The following DPP8 variants were observed in gnomAD, a reference collection of about 807,000 sequenced individuals.
The protein encoded by DPP8 is DPP VIII.
A neutral mutation model predicts 107.5 loss-of-function variants in DPP8; 31 were observed. That is an observed-to-expected ratio of 0.29 (90% CI 0.22 to 0.39). The LOEUF (loss-of-function observed/expected upper bound fraction) is 0.39, where lower values mean the gene tolerates loss of function less well. Ranked by LOEUF, DPP8 falls within the 10% of genes least tolerant of loss-of-function variation. DPP8 has a pLI of 1.00. For missense variants in DPP8, 842 were observed against 1,076.1 expected, an observed-to-expected ratio of 0.78 and a Z score of 3.04; for synonymous variants, 381 against 356.6, an observed-to-expected ratio of 1.07 and a Z score of -0.77.
At chr15:65,489,781 G>C (rs2067833424) in intron 6 of DPP8, among the ~76,000 whole-genome samples, 1 of 151,880 alleles carries the variant, frequency 6.6e-6, no homozygotes, top group African/African-American at 2.4e-5. Context: ...GCAATAGTGT[G>C]ATCTTGGCTC....
Position 65,472,780 on chromosome 15 carries a change from C to A in DPP8, c.1536+1429G>T, listed in dbSNP as rs73480749. ...CTTGGCCAGGCGTGGTGGTTCACACCTGTAACCTCAGCACTTCAGGAGGCC... is the reference window on the plus strand; with the variant it reads ...CTTGGCCAGGCGTGGTGGTTCACACATGTAACCTCAGCACTTCAGGAGGCC... On this transcript the variant is annotated intron_variant, in intron 12 of 19. Coordinates refer to ENST00000300141, the MANE Select transcript of DPP8 (RefSeq NM_130434.5). Among the ~76,000 whole-genome samples the A allele has an allele frequency of 7.8e-3, 1,183 of 152,264 alleles. 22 individuals are homozygous for A. Among genetic ancestry groups the A allele is most frequent in the African/African-American group, 0.028 (1,143 of 41,556 alleles).
intron 9 of DPP8, 21 bp downstream of exon 9, chr15:65,481,494 G>A (rs1433388424): frequency 1.4e-6 from 2 of 1,446,270 alleles, no homozygotes; most frequent in Non-Finnish European, 9.5e-7. Context: ...TTATAAAGAA[G>A]TAACAATTTA....
At chr15:65,513,285 C>T (rs1219346693) in intron 1 of DPP8, among the ~76,000 whole-genome samples, 2 of 151,716 alleles carry the variant, frequency 1.3e-5, no homozygotes, top group Non-Finnish European at 2.9e-5. Flanking sequence ...AAAATCTTGG[C>T]TCTTTGCAAG....
At chr15:65,485,076 T>G (rs1356609016) in intron 8 of DPP8, 23 bp downstream of exon 8, 1 of 1,580,100 alleles carries the variant, frequency 6.3e-7, no homozygotes, top group Non-Finnish European at 8.7e-7. Context: ...ACGCAGAAGG[T>G]CAACTCAGCA....
At chr15:65,478,554 C>A (rs2066615809) in intron 11 of DPP8, among the ~76,000 whole-genome samples, 1 of 152,032 alleles carries the variant, frequency 6.6e-6, no homozygotes. Flanking sequence ...GCCACTGCAC[C>A]CAGCCAAAAA....
intron 16 of DPP8, 86 bp from the exon 17 acceptor site, chr15:65,454,501 A>G: frequency 8.4e-7 from 1 of 1,195,594 alleles, no homozygotes; most frequent in South Asian, 1.5e-5. Flanking sequence ...TGTTTTTACT[A>G]AAAATACCTG....
chr15:65,459,327 C>T (rs901783027), intron 15 of DPP8, among the ~76,000 whole-genome samples: 1 of 151,984 alleles, frequency 6.6e-6, no homozygotes, highest in African/African-American at 2.4e-5. Context: ...GAGGTGTTTG[C>T]CACCATGCCC....
At chr15:65,480,510 G>GAACTGCTTTAGTGTA in intron 9 of DPP8, 111 bp from the exon 10 acceptor site, 1 of 657,462 alleles carries the variant, frequency 1.5e-6, no homozygotes, top group Non-Finnish European at 2.5e-6. Context: ...CACCATGAAA[G>GAACTGCTTTAGTGTA]AACTGCTTTA....
At chr15:65,448,148 G>A (rs2063608695) in intron 19 of DPP8, among the ~76,000 whole-genome samples, 1 of 152,096 alleles carries the variant, frequency 6.6e-6, no homozygotes, top group African/African-American at 2.4e-5. Flanking sequence ...TACTTGGGAG[G>A]CTGAGGTGGG....
rs756130423 is a variant in DPP8 at position 65,481,634 on chromosome 15, A to G, written c.1018-19T>C. 2 of 1,286,804 alleles carry G rather than the reference A, an allele frequency of 1.6e-6. No homozygotes were observed. Among genetic ancestry groups the G allele is most frequent in the Admixed American group, 5.2e-5 (2 of 38,624 alleles). 79.7% of individuals were successfully genotyped at this position (1,286,804 alleles called of 1,614,324 possible). On this transcript the variant is annotated intron_variant, in intron 8 of 19. Transcript: ENST00000300141. ...CTATGATCTATTAAAAAAGAAAAAA[A>G]AAGAATCTAGTTATAGAAGATTTAG...
At chr15:65,447,099 AAT>A (rs2140290585) in intron 19 of DPP8, 93 bp from the exon 20 acceptor site, 1 of 959,214 alleles carries the variant, frequency 1.0e-6, no homozygotes, top group Admixed American at 2.6e-5. Flanking sequence ...TAACAGGATT[AAT>A]AATACGAAGC....
intron 10 of DPP8, among the ~76,000 whole-genome samples, chr15:65,479,812 CCA>C: frequency 7.1e-6 from 1 of 140,258 alleles, no homozygotes. Flanking sequence ...CCACTGCAGT[CCA>C]CAGTCTGGCC....
intron 1 of DPP8, chr15:65,516,599 T>C (rs998344381): frequency 1.3e-5 from 2 of 152,196 alleles, no homozygotes; most frequent in African/African-American, 2.4e-5. Context: ...TGGACTAAGA[T>C]GTCAAGACAC....
chr15:65,489,858 C>T (rs2067842895), intron 6 of DPP8, among the ~76,000 whole-genome samples: 2 of 152,288 alleles, frequency 1.3e-5, no homozygotes, highest in African/African-American at 4.8e-5. Context: ...GCTGGGATTA[C>T]AGGCGCGTGC....
At position 65,454,890 on chromosome 15, in the gene DPP8, T is replaced by G. The variant is rs2064280989; in HGVS notation, c.2119-475A>C. ...TTCTGTTGCCCCCTCTCCCTCAAAT[T>G]TTTTAAAAATCTATTTGGAGATAGG... On this transcript the variant is annotated intron_variant, in intron 16 of 19. Transcript: ENST00000300141. 2.0e-5 allele frequency among the ~76,000 whole-genome samples: 3 copies of G among 152,232 alleles called. No homozygotes were observed. In the East Asian group the frequency reaches 5.8e-4, roughly 29 times the overall value.
intron 15 of DPP8, chr15:65,459,056 G>A (rs564630359): frequency 1.4e-4 from 19 of 132,016 alleles, no homozygotes; most frequent in Non-Finnish European, 2.7e-4. Context: ...AAAAAAAGGC[G>A]GGGGGGGTCT....
intron 1 of DPP8, among the ~76,000 whole-genome samples, chr15:65,514,021 A>C (rs982014803): frequency 6.6e-6 from 1 of 152,222 alleles, no homozygotes; most frequent in East Asian, 1.9e-4. Context: ...AAGGCTGTAC[A>C]TTTAATATAT....
chr15:65,486,844 G>A (rs931568006), intron 7 of DPP8, among the ~76,000 whole-genome samples: 1 of 152,114 alleles, frequency 6.6e-6, no homozygotes, highest in African/African-American at 2.4e-5. Flanking sequence ...AGGGTGGTGG[G>A]TGTGAGGAAT....
Position 65,475,607 on chromosome 15 carries a change from G to A in DPP8, c.1457-1319C>T, listed in dbSNP as rs540487038. The A allele has an allele frequency of 1.5e-4, 154 of 1,026,462 alleles. No homozygotes were observed. In the African/African-American group the frequency reaches 1.5e-3, roughly 10 times the overall value. The allele number at this position is 1,026,462 out of a possible 1,614,324, so 63.6% of individuals were successfully genotyped here. On this transcript the variant is annotated intron_variant, in intron 11 of 19. Transcript: ENST00000300141. Reference sequence around the variant, plus strand: ...TGGCACTTCTGAGGTAGCCATATCAGCTATTTCAACAAGGCATTTCTTCTA... The same window carrying A: ...TGGCACTTCTGAGGTAGCCATATCAACTATTTCAACAAGGCATTTCTTCTA...
Sources: gnomAD v4.1 joint callset for allele counts (sites outside exome capture counted in the v4.1 genomes callset) on GRCh38, gnomAD v4.1.1 for gene constraint, MANE v1.5 for transcripts, NCBI Gene and HGNC (gene_info 2026-07-23, HGNC 2026-07-21) for gene names.